PARD3: variants seen among roughly 807,000 people sequenced by gnomAD.
PARD3 encodes the protein partitioning defective 3 homolog.
Under a neutral mutation model 155.4 loss-of-function variants are expected in PARD3, and 75 were observed. That is an observed-to-expected ratio of 0.48 (90% CI 0.40 to 0.58). The LOEUF (loss-of-function observed/expected upper bound fraction) is 0.58. Among genes scored for constraint, PARD3 ranks in the 20% least tolerant of loss-of-function variants. The pLI, the probability that PARD3 is intolerant of heterozygous loss-of-function variation, is 0.00. For synonymous variants in PARD3, 576 were observed against 610.5 expected, an observed-to-expected ratio of 0.94 and a Z score of 0.83; for missense variants, 1,642 against 1,721.7, an observed-to-expected ratio of 0.95 and a Z score of 0.82.
At chr10:34,702,173 T>C (rs1195549661) in intron 1 of PARD3, among the ~76,000 whole-genome samples, 1 of 148,304 alleles carries the variant, frequency 6.7e-6, no homozygotes, top group Non-Finnish European at 1.5e-5. Flanking sequence ...AAAATAATAA[T>C]GATAATAAAA....
At chr10:34,555,478 T>C (rs1252295847) in intron 2 of PARD3, among the ~76,000 whole-genome samples, 1 of 151,974 alleles carries the variant, frequency 6.6e-6, no homozygotes, top group African/African-American at 2.4e-5. Flanking sequence ...CCTAGGAAAA[T>C]TTTATATCAT....
At chr10:34,668,602 G>A (rs1376874651) in intron 2 of PARD3, among the ~76,000 whole-genome samples, 2 of 152,152 alleles carry the variant, frequency 1.3e-5, no homozygotes, top group Non-Finnish European at 2.9e-5. Context: ...AACACAGGAA[G>A]AAGAAAACAC....
Position 34,372,534 on chromosome 10 carries a change from A to C in PARD3, c.1671T>G (p.Asn557Lys). 6.2e-7 allele frequency: 1 copy of C among 1,607,818 alleles called. No individual in the cohort carries two copies. The highest frequency in any genetic ancestry group is 8.5e-7 in the Non-Finnish European group (1 of 1,174,504). The change falls in exon 12 of 25, where the codon AAT becomes AAG. Residue 557 changes from asparagine (N) to lysine (K), a missense_variant and splice_region_variant. This residue lies in a region of PARD3 where 1,529 missense variants were observed against 1,587.3 expected (regional missense o/e 0.96). Coordinates refer to ENST00000374788, the MANE Select transcript of PARD3 (RefSeq NM_001184785.2). ...QEDAFHPREL[N>K]AEPSQMQIPK... ...GAATCTGCATCTGGCTTGGCTCTGC[A>C]TTCTAGAAGAATTGAAGAAAAACAT... is the stretch of plus-strand genomic sequence containing the variant.
intron 2 of PARD3, among the ~76,000 whole-genome samples, chr10:34,649,664 C>G (rs977065908): frequency 3.3e-5 from 5 of 152,214 alleles, no homozygotes; most frequent in African/African-American, 1.2e-4. Context: ...CCACTGTAAA[C>G]TTTAGAAACA....
chr10:34,333,931 T>C (rs1482772530), intron 18 of PARD3, among the ~76,000 whole-genome samples: 1 of 151,936 alleles, frequency 6.6e-6, no homozygotes, highest in East Asian at 1.9e-4. Context: ...ATTGATTCAG[T>C]CAAATGTCTT....
At chr10:34,280,660 G>A (rs192404135) in intron 21 of PARD3, among the ~76,000 whole-genome samples, 1 of 152,228 alleles carries the variant, frequency 6.6e-6, no homozygotes, top group East Asian at 1.9e-4. Flanking sequence ...GGTTTCCACA[G>A]CCAGTTAGAG....
chr10:34,802,901 C>T (rs1324503244), intron 1 of PARD3, among the ~76,000 whole-genome samples: 2 of 151,886 alleles, frequency 1.3e-5, no homozygotes, highest in Non-Finnish European at 2.9e-5. Flanking sequence ...TGAACCCAGA[C>T]AACAACCCCA....
At chr10:34,718,265 A>G (rs545701879) in intron 1 of PARD3, among the ~76,000 whole-genome samples, 1 of 152,304 alleles carries the variant, frequency 6.6e-6, no homozygotes, top group East Asian at 1.9e-4. Context: ...ACATGAATTG[A>G]GAAAATACAG....
intron 5 of PARD3, among the ~76,000 whole-genome samples, chr10:34,418,725 T>C (rs1845904877): frequency 2.0e-5 from 3 of 152,286 alleles, no homozygotes; most frequent in South Asian, 2.1e-4. Flanking sequence ...TGTGTTCCAT[T>C]TTCAGAGGGC....
chr10:34,364,011 A>C (rs137916304), intron 12 of PARD3, among the ~76,000 whole-genome samples: 390 of 152,350 alleles, frequency 2.6e-3, no homozygotes, highest in Non-Finnish European at 4.1e-3. Flanking sequence ...GCAGTGAGAC[A>C]AAGAGTCACA....
At chr10:34,708,070 C>T (rs2094393754) in intron 1 of PARD3, among the ~76,000 whole-genome samples, 1 of 149,542 alleles carries the variant, frequency 6.7e-6, no homozygotes, top group South Asian at 2.1e-4. Context: ...TTCCTGCCTT[C>T]TTCATTCCTA....
chr10:34,565,146 C>G (rs969793168), intron 2 of PARD3, among the ~76,000 whole-genome samples: 8 of 149,314 alleles, frequency 5.4e-5, no homozygotes, highest in African/African-American at 2.0e-4. Flanking sequence ...AATCTAAGAT[C>G]ATCTAGTAGC....
intron 2 of PARD3, among the ~76,000 whole-genome samples, chr10:34,685,082 G>A (rs2093932017): frequency 6.6e-6 from 1 of 152,004 alleles, no homozygotes; most frequent in Non-Finnish European, 1.5e-5. Flanking sequence ...AGAGGGAGAG[G>A]GAGGCCACTT....
At chr10:34,651,785 A>G (rs1746382957) in intron 2 of PARD3, among the ~76,000 whole-genome samples, 1 of 152,202 alleles carries the variant, frequency 6.6e-6, no homozygotes, top group Admixed American at 6.5e-5. Flanking sequence ...TTGGCCACTT[A>G]TCTTCTGCTC....
In PARD3 at chr10:34,136,147, T is replaced by C. The variant is rs571320507; in HGVS notation, c.3420-4564A>G. 2.0e-5 allele frequency among the ~76,000 whole-genome samples: 3 copies of C among 152,340 alleles called. No individual in the cohort carries two copies. The South Asian group carries it at 6.2e-4, about 32-fold the overall frequency. ...TCTGTCGCTTCTCCAGGCTATTTACTTTCATTGCACCAAAATAATAAGGCT... is the reference window on the plus strand; with the variant it reads ...TCTGTCGCTTCTCCAGGCTATTTACCTTCATTGCACCAAAATAATAAGGCT... On this transcript the variant is annotated intron_variant, in intron 22 of 24. Coordinates refer to ENST00000374788, the MANE Select transcript of PARD3 (RefSeq NM_001184785.2).
chr10:34,291,786 C>T (rs969057845), intron 20 of PARD3, among the ~76,000 whole-genome samples: 8 of 152,216 alleles, frequency 5.3e-5, no homozygotes, highest in African/African-American at 1.7e-4. Context: ...CTGGCTCATG[C>T]CTGTAATCCC....
At chr10:34,257,022 T>A (rs978904034) in intron 22 of PARD3, among the ~76,000 whole-genome samples, 2 of 152,172 alleles carry the variant, frequency 1.3e-5, no homozygotes, top group Admixed American at 1.3e-4. Context: ...TAAAATCAAC[T>A]ACTGCATCTC....
chr10:34,516,349 C>A (rs1276377112), intron 3 of PARD3, among the ~76,000 whole-genome samples: 1 of 152,194 alleles, frequency 6.6e-6, no homozygotes, highest in African/African-American at 2.4e-5. Flanking sequence ...ACTATAAACA[C>A]TAAATATTTG....
intron 22 of PARD3, among the ~76,000 whole-genome samples, chr10:34,182,716 T>C (rs1950319388): frequency 6.7e-6 from 1 of 150,046 alleles, no homozygotes; most frequent in Admixed American, 6.6e-5. Flanking sequence ...TGGCACTTTG[T>C]TGGTTTAGCT....
Sources: gnomAD v4.1 joint callset for allele counts (sites outside exome capture counted in the v4.1 genomes callset) on GRCh38, gnomAD v4.1.1 for gene constraint, gnomAD v4.1.1 regional missense constraint, MANE v1.5 for transcripts, NCBI Gene and HGNC (gene_info 2026-07-23, HGNC 2026-07-21) for gene names.